LTA: variants seen among roughly 807,000 people sequenced by gnomAD.
LTA encodes lymphotoxin alpha.
A neutral mutation model predicts 15.1 loss-of-function variants in LTA; 6 were observed. That is an observed-to-expected ratio of 0.40 (90% CI 0.22 to 0.78). LTA has a LOEUF of 0.78. Among genes scored for constraint, LTA ranks in the 30% least tolerant of loss-of-function variants. The probability of loss-of-function intolerance (pLI) is 0.38; values close to 1 mark genes in which losing one functional copy is unlikely to be tolerated. For synonymous variants in LTA, 87 were observed against 107.3 expected (o/e 0.81, Z 1.17); for missense variants, 173 against 249.5 (o/e 0.69, Z 2.06).
At chr6:31,567,349 A>G (rs1199007271), upstream of LTA, among the ~76,000 whole-genome samples, 1 of 152,112 alleles carries the variant, frequency 6.6e-6, no homozygotes, top group Non-Finnish European at 1.5e-5. Flanking sequence ...TGAAACCAGG[A>G]GTTCGAGACC....
At chr6:31,573,109 C>T (rs1770946963) in intron 3 of LTA, 76 bp downstream of exon 3, 1 of 1,334,432 alleles carries the variant, frequency 7.5e-7, no homozygotes, top group Admixed American at 1.9e-5. Context: ...CCCAAGCATC[C>T]ACCCCTCTCC....
In LTA at chr6:31,573,746, A is replaced by C. The variant is rs751493907; in HGVS notation, c.*53A>C. On this transcript the variant is annotated 3_prime_UTR_variant, in exon 4 of 4. Coordinates refer to ENST00000418386, the MANE Select transcript of LTA (RefSeq NM_000595.4). ...TAATTGATTTCAAGACCTTCTCCCC[A>C]TTCTGCCTCCATTCTGACCATTTCA... 3.7e-6 allele frequency: 6 copies of C among 1,600,632 alleles called. No homozygotes were observed. In the African/African-American group the frequency reaches 6.7e-5, roughly 18 times the overall value.
upstream of LTA, among the ~76,000 whole-genome samples, chr6:31,568,073 T>C (rs1770672489): frequency 6.6e-6 from 1 of 152,202 alleles, no homozygotes. This position sits in a 1 kb window ranked among gnomAD's most constrained non-coding sequence, Gnocchi z 4.1. Context: ...GCCTGTCTTA[T>C]TTTCTCATAG....
Position 31,572,734 on chromosome 6 carries a change from G to T in LTA, c.-9G>T. On this transcript the variant is annotated splice_region_variant and 5_prime_UTR_variant, in exon 2 of 4. Transcript: ENST00000418386. ...TCTCTCTCTCTCTCTTTCTCTGCAGGTTCTCCCCATGACACCACCTGAACG... is the reference window on the plus strand; with the variant it reads ...TCTCTCTCTCTCTCTTTCTCTGCAGTTTCTCCCCATGACACCACCTGAACG... The T allele has an allele frequency of 6.3e-7, 1 of 1,596,410 alleles. No individual in the cohort carries two copies. Among genetic ancestry groups the T allele is most frequent in the Non-Finnish European group, 8.5e-7 (1 of 1,170,508 alleles).
chr6:31,566,723 A>G, the LTA span, among the ~76,000 whole-genome samples: 6,826 of 149,586 alleles, frequency 0.046, 176 homozygotes, highest in South Asian at 0.064. Context: ...CAAGTGGATC[A>G]CCTGAGGTCA....
At chr6:31,572,704 G>GTCTCTC (rs5875327) in intron 1 of LTA, 30 bp from the exon 2 acceptor site, 8 of 1,437,630 alleles carry the variant, frequency 5.6e-6, no homozygotes, top group Non-Finnish European at 7.7e-6. Flanking sequence ...CCCGCTCACT[G>GTCTCTC]TCTCTCTCTC....
chr6:31,568,053 TACA>T (rs1341855826), upstream of LTA, among the ~76,000 whole-genome samples: 7 of 152,204 alleles, frequency 4.6e-5, no homozygotes, highest in African/African-American at 1.4e-4. The surrounding 1 kb of genome is among the most constrained non-coding windows in gnomAD (Gnocchi z 4.1). Context: ...CTGCCACTCT[TACA>T]ACATCAGCCT....
the LTA span, among the ~76,000 whole-genome samples, chr6:31,564,455 T>C: frequency 6.6e-6 from 1 of 151,972 alleles, no homozygotes; most frequent in Non-Finnish European, 1.5e-5. Context: ...AATTTTGTTT[T>C]TGTATTTTTA....
chr6:31,564,900 C>G, the LTA span, among the ~76,000 whole-genome samples: 1 of 152,000 alleles, frequency 6.6e-6, no homozygotes, highest in Non-Finnish European at 1.5e-5. Flanking sequence ...GGTGACAGAG[C>G]AATACCTTGT....
Position 31,573,486 on chromosome 6 carries a change from C to A in LTA, c.411C>A (p.Leu137=). The A allele has an allele frequency of 2.5e-6, 4 of 1,614,132 alleles. No individual in the cohort carries two copies. The highest frequency in any genetic ancestry group is 3.4e-6 in the Non-Finnish European group (4 of 1,179,988). The part of the protein sequence containing the change: ...SPLYLAHEVQ[L]FSSQYPFHVP... ...TCTACCTGGCCCATGAGGTCCAGCT[C>A]TTCTCCTCCCAGTACCCCTTCCATG... Residue 137 remains leucine, a synonymous_variant, in exon 4 of 4, where the codon CTC becomes CTA. Coordinates refer to ENST00000418386, the MANE Select transcript of LTA (RefSeq NM_000595.4).
At chr6:31,570,810 G>A (rs756446876), upstream of LTA, among the ~76,000 whole-genome samples, 18 of 152,114 alleles carry the variant, frequency 1.2e-4, no homozygotes, top group Admixed American at 2.6e-4. Flanking sequence ...AGTACATTCT[G>A]TGTGATTTCA....
At chr6:31,565,111 TAAC>T in the LTA span, among the ~76,000 whole-genome samples, 2 of 151,910 alleles carry the variant, frequency 1.3e-5, no homozygotes, top group Admixed American at 6.6e-5. Flanking sequence ...GGAGAGAAAA[TAAC>T]GACCCCTCTC....
chr6:31,564,260 C>T, the LTA span, among the ~76,000 whole-genome samples: 1 of 152,128 alleles, frequency 6.6e-6, no homozygotes, highest in Non-Finnish European at 1.5e-5. Context: ...CTCATCTGAT[C>T]TGTGTGGCTT....
At chr6:31,564,125 TC>T in the LTA span, among the ~76,000 whole-genome samples, 1 of 152,108 alleles carries the variant, frequency 6.6e-6, no homozygotes, top group Non-Finnish European at 1.5e-5. Context: ...GCATAATTCT[TC>T]CAAGTGATGC....
At chr6:31,569,985 C>T (rs1353888161), upstream of LTA, among the ~76,000 whole-genome samples, 2 of 152,116 alleles carry the variant, frequency 1.3e-5, no homozygotes, top group African/African-American at 2.4e-5. Context: ...AGATGATACT[C>T]CTTTTGTTCA....
upstream of LTA, among the ~76,000 whole-genome samples, chr6:31,567,741 T>C (rs1770656000): frequency 6.6e-6 from 1 of 151,632 alleles, no homozygotes; most frequent in Non-Finnish European, 1.5e-5. Flanking sequence ...GGATGAAATC[T>C]AGAGGCTTTA....
chr6:31,561,281 A>G, the LTA span, among the ~76,000 whole-genome samples: 1 of 152,210 alleles, frequency 6.6e-6, no homozygotes, highest in African/African-American at 2.4e-5. Flanking sequence ...TGAGTGCTGC[A>G]GTACAGACAA....
intron 1 of LTA, 40 bp downstream of exon 1, chr6:31,572,486 C>T (rs1047334364): frequency 1.7e-6 from 1 of 576,824 alleles, no homozygotes; most frequent in Non-Finnish European, 3.1e-6. Context: ...CTCTGACTCT[C>T]CATCTGTCAG....
upstream of LTA, chr6:31,571,956 ACCGGG>A (rs1770847774): frequency 6.5e-6 from 1 of 153,992 alleles, no homozygotes; most frequent in Non-Finnish European, 1.5e-5. Flanking sequence ...TCTTCAGGGA[ACCGGG>A]CCTCCAGCTC....
Sources: allele counts gnomAD v4.1 joint callset (sites outside exome capture counted in the v4.1 genomes callset), GRCh38; gene constraint gnomAD v4.1.1; non-coding constraint Gnocchi (gnomAD v3.1); transcripts MANE v1.5; gene names NCBI Gene and HGNC (gene_info 2026-07-23, HGNC 2026-07-21).